The following IL1RAPL1 variants were observed in gnomAD, a reference collection of about 807,000 sequenced individuals.
IL1RAPL1 encodes the protein interleukin-1 receptor accessory protein-like 1.
A neutral mutation model predicts 48.4 loss-of-function variants in IL1RAPL1; 3 were observed. The ratio of observed to expected loss-of-function variants is 0.06; its 90% CI spans 0.03 to 0.16. The LOEUF is 0.16. IL1RAPL1 is among the 10% of genes least tolerant of loss of function. IL1RAPL1 has a pLI of 1.00. For synonymous variants in IL1RAPL1, 185 were observed against 187.7 expected (o/e 0.99, Z 0.12); for missense variants, 349 against 530.6 (o/e 0.66, Z 3.36).
chrX:29,391,644 G>A (rs374042189), intron 3 of IL1RAPL1, among the ~76,000 whole-genome samples: 9 of 111,498 alleles, frequency 8.1e-5, no homozygotes, highest in Admixed American at 1.9e-4. Flanking sequence ...AGTCCTTAAC[G>A]TCCAGAAGAC....
intron 5 of IL1RAPL1, among the ~76,000 whole-genome samples, chrX:29,635,084 A>C (rs1161167432): frequency 3.6e-5 from 4 of 111,387 alleles, no homozygotes; most frequent in African/African-American, 1.3e-4. Flanking sequence ...TCAAAGGAGG[A>C]TTGATACAGG....
chrX:29,837,608 T>G (rs1931049745), intron 6 of IL1RAPL1, among the ~76,000 whole-genome samples: 1 of 111,429 alleles, frequency 9.0e-6, no homozygotes, highest in Non-Finnish European at 1.9e-5. Context: ...TAGACTAGAC[T>G]TTCTGTATTT....
chrX:29,015,235 T>C (rs1380627537), intron 2 of IL1RAPL1, among the ~76,000 whole-genome samples: 1 of 111,254 alleles, frequency 9.0e-6, no homozygotes. Context: ...ATATTGGTCA[T>C]CCAATATGAA....
At chrX:29,708,451 A>C (rs1927257691) in intron 6 of IL1RAPL1, among the ~76,000 whole-genome samples, 1 of 112,082 alleles carries the variant, frequency 8.9e-6, no homozygotes, top group Admixed American at 9.5e-5. Context: ...CAACTGTTTT[A>C]GATTCTGTGT....
intron 2 of IL1RAPL1, among the ~76,000 whole-genome samples, chrX:28,825,399 C>T (rs189151718): frequency 1.5e-3 from 170 of 110,992 alleles, no homozygotes; most frequent in African/African-American, 5.4e-3. Flanking sequence ...ATAGGGGCAT[C>T]GTGATACTTG....
At chrX:28,697,334 A>G (rs1935243976) in intron 1 of IL1RAPL1, among the ~76,000 whole-genome samples, 1 of 111,070 alleles carries the variant, frequency 9.0e-6, no homozygotes, top group African/African-American at 3.3e-5. Context: ...GAATTTTTTA[A>G]TGATGTTTTC....
intron 3 of IL1RAPL1, among the ~76,000 whole-genome samples, chrX:29,354,124 AT>A (rs775753872): frequency 9.0e-6 from 1 of 110,559 alleles, no homozygotes; most frequent in Non-Finnish European, 1.9e-5. Context: ...TACTGTTATT[AT>A]TTTTTTTAAT....
intron 2 of IL1RAPL1, among the ~76,000 whole-genome samples, chrX:28,978,802 T>A (rs1925264860): frequency 8.9e-6 from 1 of 111,926 alleles, no homozygotes; most frequent in Admixed American, 9.5e-5. Flanking sequence ...GCAGAGCAAT[T>A]TAAAGATGTA....
chrX:29,310,066 C>A (rs745415951), intron 3 of IL1RAPL1, among the ~76,000 whole-genome samples: 92 of 81,234 alleles, frequency 1.1e-3, no homozygotes, highest in African/African-American at 4.2e-3. Context: ...TGCACTCCAG[C>A]TTGGGCGACA....
At chrX:28,754,511 T>C (rs1302518398) in intron 1 of IL1RAPL1, among the ~76,000 whole-genome samples, 1 of 112,378 alleles carries the variant, frequency 8.9e-6, no homozygotes, top group Non-Finnish European at 1.9e-5. Flanking sequence ...GAAATTAATT[T>C]AACTGTAACC....
chrX:29,115,001 A>T (rs1428298438), intron 2 of IL1RAPL1, among the ~76,000 whole-genome samples: 1 of 111,814 alleles, frequency 8.9e-6, no homozygotes. Context: ...ACGAATTTTT[A>T]AAATTATTCC....
intron 2 of IL1RAPL1, among the ~76,000 whole-genome samples, chrX:29,279,271 A>G (rs1014924984): frequency 9.0e-6 from 1 of 110,688 alleles, no homozygotes; most frequent in Non-Finnish European, 1.9e-5. Context: ...CCACGTCTCT[A>G]CTAAAAATAC....
At chrX:29,328,813 T>C (rs1932861164) in intron 3 of IL1RAPL1, among the ~76,000 whole-genome samples, 1 of 110,263 alleles carries the variant, frequency 9.1e-6, no homozygotes, top group Admixed American at 9.7e-5. Context: ...ATTTTATTTA[T>C]ACTGTGATTT....
intron 5 of IL1RAPL1, among the ~76,000 whole-genome samples, chrX:29,487,188 T>C (rs1044493547): frequency 4.5e-5 from 5 of 112,227 alleles, no homozygotes; most frequent in African/African-American, 1.6e-4. Flanking sequence ...CTTTGCCCTG[T>C]AGCTCACATA....
chrX:29,105,330 C>T (rs1928426911), intron 2 of IL1RAPL1, among the ~76,000 whole-genome samples: 2 of 111,705 alleles, frequency 1.8e-5, no homozygotes, highest in African/African-American at 6.5e-5. Flanking sequence ...ATGATGATCC[C>T]TCTTACCCAG....
chrX:29,908,923 A>C (rs748451158), intron 6 of IL1RAPL1, among the ~76,000 whole-genome samples: 1 of 112,073 alleles, frequency 8.9e-6, no homozygotes, highest in South Asian at 3.7e-4. Flanking sequence ...AATCTGCTTA[A>C]CAATATTCCA....
intron 2 of IL1RAPL1, among the ~76,000 whole-genome samples, chrX:29,067,465 C>T (rs1427929434): frequency 1.8e-5 from 2 of 112,347 alleles, no homozygotes; most frequent in Non-Finnish European, 3.8e-5. Context: ...TAAGCTACAA[C>T]TGTTTCATCA....
At chrX:29,382,882 G>A (rs1933730164) in intron 3 of IL1RAPL1, among the ~76,000 whole-genome samples, 1 of 111,608 alleles carries the variant, frequency 9.0e-6, no homozygotes, top group Admixed American at 9.6e-5. Flanking sequence ...GCAAAAGTTG[G>A]ATCTGGAGAA....
Position 29,578,412 on chromosome X carries a change from G to A in IL1RAPL1, c.704-90018G>A, listed in dbSNP as rs190670877. Among the ~76,000 whole-genome samples the A allele has an allele frequency of 2.7e-5, 3 of 111,948 alleles. No homozygotes were observed. The East Asian group carries it at 8.4e-4, about 32-fold the overall frequency. ...TTGTGAGGATTAAATGAAATCATAA[G>A]CATAAATCACTTAGCATTATGTTGG... On this transcript the variant is annotated intron_variant, in intron 5 of 10. Transcript: ENST00000378993.
Sources: gnomAD v4.1 joint callset for allele counts (sites outside exome capture counted in the v4.1 genomes callset) on GRCh38, gnomAD v4.1.1 for gene constraint, MANE v1.5 for transcripts, NCBI Gene and HGNC (gene_info 2026-07-23, HGNC 2026-07-21) for gene names.